The following RHOBTB2 variants were observed in gnomAD, a reference collection of about 807,000 sequenced individuals.
The protein encoded by RHOBTB2 is Rho related BTB domain containing 2, also known as rho-related BTB domain-containing protein 2.
Under a neutral mutation model 66.5 loss-of-function variants are expected in RHOBTB2, and 39 were observed. That is an observed-to-expected ratio of 0.59 (90% CI 0.45 to 0.77). The LOEUF (loss-of-function observed/expected upper bound fraction) is 0.77, where lower values mean the gene tolerates loss of function less well. Among genes scored for constraint, RHOBTB2 ranks in the 30% least tolerant of loss-of-function variants. The pLI, the probability that RHOBTB2 is intolerant of heterozygous loss-of-function variation, is 0.00. For missense variants in RHOBTB2, 755 were observed against 999.1 expected (o/e 0.76, Z 3.29); for synonymous variants, 390 against 395.0 (o/e 0.99, Z 0.15).
chr8:22,982,583 T>C (rs757698192), upstream of RHOBTB2, among the ~76,000 whole-genome samples: 1 of 152,114 alleles, frequency 6.6e-6, no homozygotes, highest in Non-Finnish European at 1.5e-5. Flanking sequence ...GATGACACCA[T>C]TGGCAAGAGG....
At chr8:22,971,989 CACTTGA>C in the RHOBTB2 span, among the ~76,000 whole-genome samples, 2 of 152,202 alleles carry the variant, frequency 1.3e-5, no homozygotes, top group African/African-American at 4.8e-5. Flanking sequence ...AGGCCCCTTG[CACTTGA>C]ACTTGTATAA....
chr8:22,956,130 T>G, the RHOBTB2 span, among the ~76,000 whole-genome samples: 11 of 152,356 alleles, frequency 7.2e-5, no homozygotes, highest in Non-Finnish European at 1.6e-4. Flanking sequence ...GAATTTTCAA[T>G]ATACCTTACA....
chr8:22,986,768 A>C (rs562209940), upstream of RHOBTB2, among the ~76,000 whole-genome samples: 26 of 152,300 alleles, frequency 1.7e-4, no homozygotes, highest in Middle Eastern at 3.4e-3. Flanking sequence ...AAGGTAAACT[A>C]AGGTCCAGAA....
At chr8:22,991,493 A>G (rs1810424883) in intron 1 of RHOBTB2, among the ~76,000 whole-genome samples, 1 of 152,198 alleles carries the variant, frequency 6.6e-6, no homozygotes, top group Admixed American at 6.5e-5. Context: ...TGATGGATGA[A>G]TGAGTCTGGT....
At chr8:23,016,972 T>G (rs1055795185) in intron 9 of RHOBTB2, among the ~76,000 whole-genome samples, 3 of 152,210 alleles carry the variant, frequency 2.0e-5, no homozygotes, top group African/African-American at 7.2e-5. Flanking sequence ...TCCCTTATCC[T>G]TCGCCTCTGT....
intron 7 of RHOBTB2, among the ~76,000 whole-genome samples, chr8:23,013,525 T>A (rs556621761): frequency 6.6e-6 from 1 of 152,002 alleles, no homozygotes; most frequent in Non-Finnish European, 1.5e-5. Flanking sequence ...GGAGATGGAG[T>A]CTTACTGTCA....
chr8:22,976,197 G>T, the RHOBTB2 span, among the ~76,000 whole-genome samples: 27 of 152,020 alleles, frequency 1.8e-4, no homozygotes, highest in African/African-American at 6.3e-4. Flanking sequence ...AGACCACTGG[G>T]GACTCCTGGG....
At chr8:22,988,252 C>T (rs760657009) in intron 1 of RHOBTB2, among the ~76,000 whole-genome samples, 2 of 151,128 alleles carry the variant, frequency 1.3e-5, no homozygotes, top group Non-Finnish European at 2.9e-5. Flanking sequence ...CTCCGCCTCC[C>T]GAATTCAAGT....
At chr8:22,975,214 T>C in the RHOBTB2 span, among the ~76,000 whole-genome samples, 3 of 152,176 alleles carry the variant, frequency 2.0e-5, no homozygotes, top group Non-Finnish European at 2.9e-5. Context: ...TCCCCTCTGA[T>C]GCTGCTCTTG....
chr8:23,016,492 A>G (rs1811295768), intron 9 of RHOBTB2, among the ~76,000 whole-genome samples: 1 of 151,820 alleles, frequency 6.6e-6, no homozygotes, highest in South Asian at 2.1e-4. Flanking sequence ...GCTCACTGCA[A>G]CCTCCACCTC....
Position 23,006,627 on chromosome 8 carries a change from T to C in RHOBTB2, c.483-101T>C. 2.5e-6 allele frequency: 3 copies of C among 1,180,086 alleles called. No homozygotes were observed. Among genetic ancestry groups the C allele is most frequent in the Non-Finnish European group, 3.7e-6 (3 of 821,688 alleles). The allele number at this position is 1,180,086 out of a possible 1,614,324, so 73.1% of individuals were successfully genotyped here. A position where few individuals can be genotyped will look rare whatever the true frequency, so the allele number is the denominator to read the frequency against. On this transcript the variant is annotated intron_variant, in intron 4 of 9. Transcript: ENST00000251822. This position sits in a 1 kb window ranked among gnomAD's most constrained non-coding sequence, Gnocchi z 6.1. Reference sequence around the variant, plus strand: ...AGAGCAGGGCAGGAGTGGGTGGGGATTGGCACCCAGATCCTGAGCAGAGTC... The same window carrying C: ...AGAGCAGGGCAGGAGTGGGTGGGGACTGGCACCCAGATCCTGAGCAGAGTC...
upstream of RHOBTB2, chr8:22,999,226 C>G (rs1046883910): frequency 6.6e-6 from 1 of 152,008 alleles, no homozygotes; most frequent in Admixed American, 6.5e-5. Flanking sequence ...TACAACCACA[C>G]GTTCTCCTCC....
At chr8:22,977,112 C>G in the RHOBTB2 span, among the ~76,000 whole-genome samples, 1 of 152,146 alleles carries the variant, frequency 6.6e-6, no homozygotes, top group Non-Finnish European at 1.5e-5. Flanking sequence ...AATTTATTAA[C>G]AGCTCCCACT....
the RHOBTB2 span, among the ~76,000 whole-genome samples, chr8:22,953,960 A>G: frequency 6.6e-6 from 1 of 152,214 alleles, no homozygotes; most frequent in Admixed American, 6.5e-5. Context: ...ACACTTGTAA[A>G]TCGTATCCTA....
the RHOBTB2 span, among the ~76,000 whole-genome samples, chr8:22,975,291 C>G: frequency 6.6e-6 from 1 of 152,326 alleles, no homozygotes; most frequent in South Asian, 2.1e-4. Context: ...TCTTCTCTCA[C>G]TAGCTGGGGA....
Position 22,999,569 on chromosome 8 carries a change from C to T in RHOBTB2, c.-547C>T, listed in dbSNP as rs1168669332. ...GGGCGGGGCCCGTCACGGCTGTCGT[C>T]TTGGGTGCGATTTTTTTCTCCTCCT... On this transcript the variant is annotated 5_prime_UTR_variant, in exon 1 of 10. Coordinates refer to ENST00000251822, the MANE Select transcript of RHOBTB2 (RefSeq NM_015178.3). The T allele has an allele frequency of 3.3e-6, 4 of 1,214,868 alleles. No individual in the cohort carries two copies. The highest frequency in any genetic ancestry group is 4.2e-6 in the Non-Finnish European group (4 of 958,442). 75.3% of individuals were successfully genotyped at this position (1,214,868 alleles called of 1,614,324 possible).
rs574489797 is a variant in RHOBTB2, at chr8:23,018,079, G to A, written c.*610G>A. 51 of 154,392 alleles carry A rather than the reference G, an allele frequency of 3.3e-4. 2 individuals carry two copies. The highest frequency in any genetic ancestry group is 9.5e-4 in the Admixed American group (15 of 15,794). 9.6% of individuals were successfully genotyped at this position (154,392 alleles called of 1,614,324 possible). ...GCCTGTATCCTGCCAGTGTCCCTCC[G>A]TCCCAGGGGGCTGTGCTAGCACAGA... is the stretch of plus-strand genomic sequence containing the variant. On this transcript the variant is annotated 3_prime_UTR_variant, in exon 10 of 10. Transcript: ENST00000251822.
At position 23,004,603 on chromosome 8, in the gene RHOBTB2, G is replaced by A. The variant is rs747674495; in HGVS notation, c.169G>A (p.Asp57Asn). ...ATHVPTVWAI[D>N]QYRVCQEVLE... The stretch of plus-strand genomic sequence containing the variant: ...GCATGTGCCCACAGTATGGGCCATC[G>A]ACCAATATCGTGTGTGCCAGGAGGT... The change falls in exon 2 of 10, where the codon GAC becomes AAC. Residue 57 changes from aspartate to asparagine, a missense_variant. Coordinates refer to ENST00000251822, the MANE Select transcript of RHOBTB2 (RefSeq NM_015178.3). The surrounding 1 kb of genome is among the most constrained non-coding windows in gnomAD (Gnocchi z 6.4). 3 of 1,613,618 alleles carry A rather than the reference G, an allele frequency of 1.9e-6. No individual in the cohort carries two copies. The highest frequency in any genetic ancestry group is 2.5e-6 in the Non-Finnish European group (3 of 1,179,946).
chr8:22,973,956 A>G, the RHOBTB2 span, among the ~76,000 whole-genome samples: 1 of 149,466 alleles, frequency 6.7e-6, no homozygotes, highest in Non-Finnish European at 1.5e-5. Flanking sequence ...GACCCACCCC[A>G]GGCACCAGCC....
Sources: gnomAD v4.1 joint callset for allele counts (sites outside exome capture counted in the v4.1 genomes callset) on GRCh38, gnomAD v4.1.1 for gene constraint, Gnocchi (gnomAD v3.1) non-coding constraint, MANE v1.5 for transcripts, NCBI Gene and HGNC (gene_info 2026-07-23, HGNC 2026-07-21) for gene names.